TSGA10: variants seen among roughly 807,000 people sequenced by gnomAD.
The protein encoded by TSGA10 is testis-specific gene 10 protein.
Under a neutral mutation model 96.6 loss-of-function variants are expected in TSGA10, and 43 were observed. The observed-to-expected ratio is 0.44, with a 90% CI of 0.35 to 0.57. The LOEUF (loss-of-function observed/expected upper bound fraction) is 0.57. Ranked by LOEUF, TSGA10 falls within the 20% of genes least tolerant of loss-of-function variation. The pLI is 0.01. For synonymous variants in TSGA10, 229 were observed against 269.9 expected (o/e 0.85, Z 1.48); for missense variants, 703 against 834.4 (o/e 0.84, Z 1.94).
chr2:99,097,451 T>C (rs1490431317), intron 10 of TSGA10, among the ~76,000 whole-genome samples: 1 of 152,182 alleles, frequency 6.6e-6, no homozygotes, highest in Non-Finnish European at 1.5e-5. Context: ...CACACATGTA[T>C]GTATATGTGT....
intron 1 of TSGA10, among the ~76,000 whole-genome samples, chr2:99,143,458 CT>C (rs772829065): frequency 0.012 from 1,699 of 140,976 alleles, 12 homozygotes; most frequent in Admixed American, 0.016. Context: ...TGCGCCCAGA[CT>C]TTTTTTTTTT....
chr2:99,102,629 T>C, intron 10 of TSGA10: 1 of 1,614,104 alleles, frequency 6.2e-7, no homozygotes, highest in South Asian at 1.1e-5. Flanking sequence ...CTTTTAGGCC[T>C]GAACTGCTTG....
chr2:99,129,314 C>T (rs2105012550), intron 1 of TSGA10, among the ~76,000 whole-genome samples: 1 of 152,290 alleles, frequency 6.6e-6, no homozygotes, highest in South Asian at 2.1e-4. Context: ...CTCTCTCTAT[C>T]CCCATTAACC....
intron 4 of TSGA10, among the ~76,000 whole-genome samples, chr2:99,116,624 A>G (rs772634978): frequency 6.6e-5 from 10 of 152,112 alleles, no homozygotes; most frequent in Non-Finnish European, 1.2e-4. Flanking sequence ...TTTAGAAAGT[A>G]TATCTGTAGT....
chr2:99,000,201 G>A (rs532952947), intron 20 of TSGA10, among the ~76,000 whole-genome samples: 2 of 151,816 alleles, frequency 1.3e-5, no homozygotes, highest in Admixed American at 6.6e-5. Context: ...GTGAAACCCT[G>A]TCTCTACTAA....
intron 10 of TSGA10, among the ~76,000 whole-genome samples, chr2:99,088,200 C>G (rs1312363938): frequency 6.6e-6 from 1 of 152,158 alleles, no homozygotes; most frequent in East Asian, 1.9e-4. Flanking sequence ...GTAGTAGTCC[C>G]CTCTTATCTG....
At chr2:99,034,835 T>G (rs1439653281) in intron 17 of TSGA10, among the ~76,000 whole-genome samples, 2 of 152,180 alleles carry the variant, frequency 1.3e-5, no homozygotes, top group African/African-American at 2.4e-5. Flanking sequence ...AAGTAGAATG[T>G]CAGGCACAAA....
chr2:99,105,812 G>A, intron 7 of TSGA10, 115 bp from the exon 8 acceptor site: 2 of 635,734 alleles, frequency 3.1e-6, no homozygotes, highest in Non-Finnish European at 5.1e-6. Flanking sequence ...ATGCAGCAGG[G>A]TAATGGTATC....
intron 20 of TSGA10, among the ~76,000 whole-genome samples, chr2:99,016,022 T>C (rs914615445): frequency 6.6e-6 from 1 of 152,036 alleles, no homozygotes; most frequent in Non-Finnish European, 1.5e-5. Flanking sequence ...CACAAACAAA[T>C]GGAAACACAT....
At chr2:99,141,243 C>A in intron 1 of TSGA10, 1 of 946,520 alleles carries the variant, frequency 1.1e-6, no homozygotes, top group Non-Finnish European at 1.3e-6. Flanking sequence ...TCGTCCTGGC[C>A]CCGCCCCGGC....
At chr2:99,050,823 T>C (rs555242765) in intron 16 of TSGA10, among the ~76,000 whole-genome samples, 10 of 152,170 alleles carry the variant, frequency 6.6e-5, no homozygotes, top group African/African-American at 2.2e-4. Flanking sequence ...ATGTGACACA[T>C]AATAATGTTT....
chr2:99,023,928 T>C (rs149875083), intron 17 of TSGA10, among the ~76,000 whole-genome samples: 20 of 152,326 alleles, frequency 1.3e-4, no homozygotes, highest in African/African-American at 4.6e-4. Flanking sequence ...ACAAGACACC[T>C]GGGATTCTGA....
intron 9 of TSGA10, 72 bp from the exon 10 acceptor site, chr2:99,104,190 C>A: frequency 6.5e-7 from 1 of 1,545,114 alleles, no homozygotes; most frequent in South Asian, 1.2e-5. Context: ...AGGGCATACT[C>A]CCTCTGTACA....
intron 10 of TSGA10, among the ~76,000 whole-genome samples, chr2:99,094,681 C>A (rs74410733): frequency 6.6e-6 from 1 of 152,082 alleles, no homozygotes; most frequent in Non-Finnish European, 1.5e-5. Context: ...CAGGGAAATG[C>A]AAATCAAAGA....
chr2:99,059,741 C>T (rs970746530), intron 16 of TSGA10, among the ~76,000 whole-genome samples: 4 of 150,974 alleles, frequency 2.6e-5, no homozygotes, highest in South Asian at 2.1e-4. Flanking sequence ...GGTGAAACCC[C>T]GTTTCTACAA....
At chr2:99,140,101 A>G (rs1256693780) in intron 1 of TSGA10, among the ~76,000 whole-genome samples, 1 of 152,202 alleles carries the variant, frequency 6.6e-6, no homozygotes, top group Non-Finnish European at 1.5e-5. Context: ...TACGCGAGAT[A>G]TTGTGGAAGC....
chr2:99,153,139 T>C (rs72959128), intron 1 of TSGA10, among the ~76,000 whole-genome samples: 21,953 of 152,132 alleles, frequency 0.14, 1,919 homozygotes, highest in Non-Finnish European at 0.19. Flanking sequence ...AATGTCAAAG[T>C]TGTCCACAGG....
chr2:99,002,305 G>C (rs1309107930), intron 20 of TSGA10, among the ~76,000 whole-genome samples: 1 of 152,216 alleles, frequency 6.6e-6, no homozygotes, highest in East Asian at 1.9e-4. Flanking sequence ...AACTCCACAA[G>C]CCAGAAGACA....
At chr2:99,000,319 C>T (rs142370634) in intron 20 of TSGA10, among the ~76,000 whole-genome samples, 1 of 150,708 alleles carries the variant, frequency 6.6e-6, no homozygotes, top group African/African-American at 2.5e-5. Context: ...ACCACCCTGC[C>T]CAACATGGCA....
Sources: gnomAD v4.1 joint callset for allele counts (sites outside exome capture counted in the v4.1 genomes callset) on GRCh38, gnomAD v4.1.1 for gene constraint, MANE v1.5 for transcripts, NCBI Gene and HGNC (gene_info 2026-07-23, HGNC 2026-07-21) for gene names.